The following TBC1D1 variants were observed in gnomAD, a reference collection of about 807,000 sequenced individuals.
TBC1D1 encodes the protein TBC1 domain family member 1.
In TBC1D1, 89 loss-of-function variants were observed where a neutral mutation model predicts 125.6. That is an observed-to-expected ratio of 0.71 (90% CI 0.60 to 0.85). The LOEUF is 0.85. Ranked by LOEUF, TBC1D1 falls within the 40% of genes least tolerant of loss-of-function variation. TBC1D1 has a pLI of 0.00. For missense variants in TBC1D1, 1,377 were observed against 1,469.2 expected (o/e 0.94, Z 1.03); for synonymous variants, 565 against 564.1 (o/e 1.00, Z -0.02).
At chr4:37,990,535 A>C (rs1411671423) in intron 2 of TBC1D1, among the ~76,000 whole-genome samples, 2 of 152,202 alleles carry the variant, frequency 1.3e-5, no homozygotes, top group Non-Finnish European at 1.5e-5. Flanking sequence ...TTAATTGTAT[A>C]ATAAGCATGA....
At chr4:38,088,528 C>A (rs1175924132) in intron 12 of TBC1D1, among the ~76,000 whole-genome samples, 1 of 152,226 alleles carries the variant, frequency 6.6e-6, no homozygotes, top group African/African-American at 2.4e-5. Flanking sequence ...GTGACCAAAA[C>A]CCTTGTCAAC....
chr4:37,962,034 C>T lies in TBC1D1; in HGVS notation c.418-52475C>T, dbSNP rs1257709263. Among the ~76,000 whole-genome samples the T allele has an allele frequency of 3.9e-5, 6 of 152,192 alleles. No homozygotes were observed. The East Asian group carries it at 1.2e-3, about 29-fold the overall frequency. ...AAATCATAAAATATTTGAGAATTTA[C>T]TTGTACATTGCCTGTCTTCCCAAAT... On this transcript the variant is annotated intron_variant, in intron 2 of 19. Transcript: ENST00000261439.
rs957733170 is a variant in TBC1D1 at position 38,035,789 on chromosome 4, C to T, written c.1413+91C>T. The T allele has an allele frequency of 9.9e-6, 9 of 911,718 alleles. No individual in the cohort carries two copies. In the African/African-American group the frequency reaches 1.4e-4, roughly 14 times the overall value. The allele number at this position is 911,718 out of a possible 1,614,324, so 56.5% of individuals were successfully genotyped here. A position where few individuals can be genotyped will look rare whatever the true frequency, so the allele number is the denominator to read the frequency against. On this transcript the variant is annotated intron_variant, in intron 8 of 19. Coordinates refer to ENST00000261439, the MANE Select transcript of TBC1D1 (RefSeq NM_015173.4). ...TTGAGGATTTTCTGAAACTCTGATA[C>T]CTTTTTTTCTCCCTATGTTTTATTT...
intron 10 of TBC1D1, among the ~76,000 whole-genome samples, chr4:38,046,390 A>AT (rs1404110699): frequency 6.6e-6 from 1 of 151,790 alleles, no homozygotes; most frequent in Non-Finnish European, 1.5e-5. Context: ...AAAGCAGTAG[A>AT]TTTTCCTATT....
In TBC1D1 at chr4:37,893,513, G is replaced by A. The variant is rs1446825976; in HGVS notation, c.-94+2165G>A. 8.5e-5 allele frequency among the ~76,000 whole-genome samples: 13 copies of A among 152,128 alleles called. 1 individual carries two copies. The highest frequency in any genetic ancestry group is 8.5e-4 in the Admixed American group (13 of 15,266). ...TCATTAAACTTGAGAAGTAAAATCT[G>A]CTCATTAAAATGACTGAGTCCATGG... On this transcript the variant is annotated intron_variant, in intron 1 of 19. Transcript: ENST00000261439.
At position 37,977,502 on chromosome 4, in the gene TBC1D1, G is replaced by C. The variant is rs1382430662; in HGVS notation, c.418-37007G>C. The C allele has an allele frequency of 1.0e-6, 1 of 993,092 alleles. No homozygotes were observed. Among genetic ancestry groups the C allele is most frequent in the East Asian group, 1.2e-4 (1 of 8,690 alleles). The allele number at this position is 993,092 out of a possible 1,614,324, so 61.5% of individuals were successfully genotyped here. ...GAAGAGCCGCCGCCCGGCCCGCGAT[G>C]TCACCATTGTTCAGCTGGGTGGCCA... On this transcript the variant is annotated intron_variant, in intron 2 of 19. Transcript: ENST00000261439. The surrounding 1 kb of genome is among the most constrained non-coding windows in gnomAD (Gnocchi z 4.3).
At chr4:37,972,941 A>G (rs1374711102) in intron 2 of TBC1D1, among the ~76,000 whole-genome samples, 2 of 151,594 alleles carry the variant, frequency 1.3e-5, no homozygotes, top group African/African-American at 4.8e-5. Context: ...GTATTTGAGT[A>G]TAGGATTAGA....
intron 15 of TBC1D1, among the ~76,000 whole-genome samples, chr4:38,115,046 G>A (rs1388705865): frequency 1.3e-5 from 2 of 150,808 alleles, no homozygotes; most frequent in Non-Finnish European, 3.0e-5. Flanking sequence ...AACTGTGTGT[G>A]TTCCTCTTGA....
At chr4:38,063,625 T>G (rs1753150337) in intron 12 of TBC1D1, among the ~76,000 whole-genome samples, 1 of 150,852 alleles carries the variant, frequency 6.6e-6, no homozygotes, top group African/African-American at 2.4e-5. Flanking sequence ...CACAGTCTAA[T>G]TTTTTTTATT....
chr4:38,085,547 G>A (rs1392457872), intron 12 of TBC1D1, among the ~76,000 whole-genome samples: 1 of 152,158 alleles, frequency 6.6e-6, no homozygotes, highest in African/African-American at 2.4e-5. Context: ...GTTTTCCCAA[G>A]AGGCACCAAC....
intron 2 of TBC1D1, among the ~76,000 whole-genome samples, chr4:37,953,685 T>C (rs1311285060): frequency 6.6e-6 from 1 of 152,216 alleles, no homozygotes. Context: ...TGGTAAATTC[T>C]ACAGAACCTT....
chr4:38,057,350 C>T (rs1440624372), intron 12 of TBC1D1, among the ~76,000 whole-genome samples: 1 of 152,186 alleles, frequency 6.6e-6, no homozygotes, highest in Non-Finnish European at 1.5e-5. Context: ...CCCTTGTATC[C>T]TGACTCTCCC....
intron 8 of TBC1D1, among the ~76,000 whole-genome samples, chr4:38,043,959 T>C (rs1560678749): frequency 6.6e-6 from 1 of 152,248 alleles, no homozygotes; most frequent in Non-Finnish European, 1.5e-5. Context: ...TTACACACTT[T>C]ACCTGTTTGA....
chr4:38,075,856 C>CA (rs1755505128), intron 12 of TBC1D1, among the ~76,000 whole-genome samples: 2 of 152,204 alleles, frequency 1.3e-5, no homozygotes, highest in Admixed American at 1.3e-4. Flanking sequence ...CTTTGACAGT[C>CA]ACCTGTACAT....
rs1315276345 is a variant in TBC1D1 at position 38,115,717 on chromosome 4, C to T, written c.2565C>T (p.Thr855=). 2 of 1,613,476 alleles carry T rather than the reference C, an allele frequency of 1.2e-6. No individual in the cohort carries two copies. The highest frequency in any genetic ancestry group is 1.7e-6 in the Non-Finnish European group (2 of 1,179,636). ...TATGTATTCTTTTCACAGGGCGAAC[C>T]TTTCCTACACACCCATACTTCTCTG... The change falls in exon 16 of 20, where the codon ACC becomes ACT. Residue 855 remains threonine, a synonymous_variant. Coordinates refer to ENST00000261439, the MANE Select transcript of TBC1D1 (RefSeq NM_015173.4).
At chr4:38,021,878 A>G (rs1047961657) in intron 6 of TBC1D1, among the ~76,000 whole-genome samples, 160 bp downstream of exon 6, 1 of 152,206 alleles carries the variant, frequency 6.6e-6, no homozygotes, top group Non-Finnish European at 1.5e-5. Context: ...TGTCTTCTGT[A>G]TGTCAGGAAT....
In TBC1D1 at chr4:38,066,154, G is replaced by T. The variant is rs139334454; in HGVS notation, c.2050+11816G>T. Among the ~76,000 whole-genome samples, 112 of 152,148 alleles carry T rather than the reference G, an allele frequency of 7.4e-4. 1 individual carries two copies. The highest frequency in any genetic ancestry group is 2.5e-3 in the African/African-American group (105 of 41,512). The stretch of plus-strand genomic sequence containing the variant: ...GGTTTGCTCACTTAAATTAGTGCTT[G>T]TACAGTAATGGGCTGTGTTAGTGTG... On this transcript the variant is annotated intron_variant, in intron 12 of 19. Transcript: ENST00000261439.
intron 12 of TBC1D1, among the ~76,000 whole-genome samples, chr4:38,056,254 A>G (rs1751686459): frequency 1.3e-5 from 2 of 152,092 alleles, no homozygotes; most frequent in South Asian, 4.1e-4. Flanking sequence ...CTCCAGGGGA[A>G]TTGCCCTCGT....
At chr4:38,041,838 T>C (rs1366246132) in intron 8 of TBC1D1, among the ~76,000 whole-genome samples, 2 of 152,090 alleles carry the variant, frequency 1.3e-5, no homozygotes, top group African/African-American at 4.8e-5. Context: ...GGGGAAGTAG[T>C]GGTGATTAAG....
Sources: allele counts gnomAD v4.1 joint callset (sites outside exome capture counted in the v4.1 genomes callset), GRCh38; gene constraint gnomAD v4.1.1; non-coding constraint Gnocchi (gnomAD v3.1); transcripts MANE v1.5; gene names NCBI Gene and HGNC (gene_info 2026-07-23, HGNC 2026-07-21).